The following ARHGAP20 variants were observed in gnomAD, a reference collection of about 807,000 sequenced individuals.
ARHGAP20 encodes rho GTPase-activating protein 20.
A neutral mutation model predicts 73.7 loss-of-function variants in ARHGAP20; 34 were observed. That is an observed-to-expected ratio of 0.46 (90% confidence interval 0.35 to 0.61). ARHGAP20 has a LOEUF of 0.61. Ranked by LOEUF, ARHGAP20 falls within the 20% of genes least tolerant of loss-of-function variation. The pLI is 0.00. For missense variants in ARHGAP20, 1,314 were observed against 1,420.9 expected (o/e 0.92, Z 1.21); for synonymous variants, 523 against 518.2 (o/e 1.01, Z -0.13).
chr11:110,609,119 T>TTC, intron 7 of ARHGAP20, 69 bp from the exon 8 acceptor site: 1 of 1,395,348 alleles, frequency 7.2e-7, no homozygotes, highest in Non-Finnish European at 9.8e-7. Flanking sequence ...GGACACATTT[T>TTC]TTTTTTTTGG....
chr11:110,611,275 T>G (rs778814282), intron 7 of ARHGAP20, 34 bp downstream of exon 7: 1 of 1,355,692 alleles, frequency 7.4e-7, no homozygotes, highest in South Asian at 1.4e-5. Flanking sequence ...TCAAAGTTTA[T>G]TTTTAATTAA....
intron 2 of ARHGAP20, among the ~76,000 whole-genome samples, chr11:110,636,348 A>C (rs528427656): frequency 6.6e-6 from 1 of 152,270 alleles, no homozygotes; most frequent in Admixed American, 6.6e-5. Context: ...AAATGTTTAT[A>C]AATAAAGGCT....
At chr11:110,675,779 AAC>A (rs1227790980) in intron 2 of ARHGAP20, among the ~76,000 whole-genome samples, 9 of 152,276 alleles carry the variant, frequency 5.9e-5, no homozygotes, top group Non-Finnish European at 1.3e-4. Flanking sequence ...TATCCCTCAA[AAC>A]CCAGCATAGA....
intron 9 of ARHGAP20, among the ~76,000 whole-genome samples, chr11:110,600,128 G>C (rs1391763402): frequency 6.6e-6 from 1 of 152,232 alleles, no homozygotes; most frequent in Non-Finnish European, 1.5e-5. Flanking sequence ...CACAGGATGA[G>C]AACTTCAGAT....
intron 2 of ARHGAP20, among the ~76,000 whole-genome samples, chr11:110,663,935 C>T (rs1591154606): frequency 6.6e-6 from 1 of 152,098 alleles, no homozygotes. Context: ...AGAATGCAGT[C>T]ATTTTAACAT....
intron 11 of ARHGAP20, 105 bp downstream of exon 11, chr11:110,590,543 A>G: frequency 1.6e-6 from 2 of 1,215,826 alleles, no homozygotes; most frequent in Non-Finnish European, 2.2e-6. Context: ...TAATAAATCT[A>G]TTATGGGTCT....
chr11:110,615,458 G>A (rs1328287688), intron 5 of ARHGAP20, 95 bp downstream of exon 5: 3 of 1,156,524 alleles, frequency 2.6e-6, no homozygotes, highest in Non-Finnish European at 3.7e-6. Flanking sequence ...TTCTACTAAG[G>A]AGAAGGGGAA....
chr11:110,624,100 C>A, intron 4 of ARHGAP20, 62 bp downstream of exon 4: 1 of 1,545,312 alleles, frequency 6.5e-7, no homozygotes, highest in Non-Finnish European at 8.7e-7. Flanking sequence ...TTTAAAATTT[C>A]AATCCTAGAA....
At chr11:110,664,727 C>CAAAAAAAAAAA (rs34643863) in intron 2 of ARHGAP20, among the ~76,000 whole-genome samples, 1 of 88,252 alleles carries the variant, frequency 1.1e-5, no homozygotes, top group Non-Finnish European at 2.5e-5. Flanking sequence ...GACTCCGTCT[C>CAAAAAAAAAAA]AAAAAAAAAA....
rs1947761471 is a variant in ARHGAP20 at position 110,589,341 on chromosome 11, AG to A, written c.1305+1306del. 8 of 954,284 alleles carry A rather than the reference AG, an allele frequency of 8.4e-6. 1 individual carries two copies. The highest frequency in any genetic ancestry group is 5.4e-4 in the Middle Eastern group (1 of 1,858). The allele number at this position is 954,284 out of a possible 1,614,324, so 59.1% of individuals were successfully genotyped here. A position where few individuals can be genotyped will look rare whatever the true frequency, so the allele number is the denominator to read the frequency against. ...ATATCTAATTGCAAAAATTTATAGC[AG>A]GGTTTAAGAGCAGATATGGCTTATT... On this transcript the variant is annotated intron_variant, in intron 11 of 14. Coordinates refer to ENST00000683387, the MANE Select transcript of ARHGAP20 (RefSeq NM_001384657.1).
chr11:110,672,590 A>G (rs1180714236), intron 2 of ARHGAP20, among the ~76,000 whole-genome samples: 2 of 152,014 alleles, frequency 1.3e-5, no homozygotes, highest in Admixed American at 6.6e-5. Flanking sequence ...GACTACAAGC[A>G]TGCACCACCA....
intron 2 of ARHGAP20, among the ~76,000 whole-genome samples, chr11:110,672,149 T>C (rs920542093): frequency 9.9e-5 from 15 of 152,172 alleles, no homozygotes; most frequent in African/African-American, 3.4e-4. Context: ...TACAGCTTTA[T>C]AGAAAAAAAT....
chr11:110,631,868 C>T (rs1948866633), intron 2 of ARHGAP20, among the ~76,000 whole-genome samples: 1 of 152,168 alleles, frequency 6.6e-6, no homozygotes, highest in African/African-American at 2.4e-5. Context: ...CTTGATCACC[C>T]CAGAGGTAAC....
intron 12 of ARHGAP20, among the ~76,000 whole-genome samples, chr11:110,585,093 GAATATATGAA>G (rs1467943329): frequency 1.3e-5 from 2 of 150,038 alleles, no homozygotes; most frequent in Non-Finnish European, 3.0e-5. Flanking sequence ...GAATATATGT[GAATATATGAA>G]TATATGTGAA....
At chr11:110,597,040 G>C (rs1001494477) in intron 9 of ARHGAP20, among the ~76,000 whole-genome samples, 1 of 149,866 alleles carries the variant, frequency 6.7e-6, no homozygotes, top group Admixed American at 6.8e-5. Context: ...CTATCGCCAG[G>C]ACAAAAATCA....
chr11:110,613,937 C>T (rs1948427099), intron 6 of ARHGAP20, among the ~76,000 whole-genome samples: 1 of 152,040 alleles, frequency 6.6e-6, no homozygotes, highest in Non-Finnish European at 1.5e-5. Flanking sequence ...ACATTTATCT[C>T]TTGTACTATG....
intron 1 of ARHGAP20, chr11:110,711,649 GCTGC>G: frequency 6.8e-7 from 1 of 1,474,648 alleles, no homozygotes; most frequent in Non-Finnish European, 8.9e-7. Context: ...CCGCAGCCCC[GCTGC>G]CTACCTTCTT....
intron 2 of ARHGAP20, among the ~76,000 whole-genome samples, chr11:110,656,151 TG>T (rs1203001192): frequency 6.6e-6 from 1 of 152,092 alleles, no homozygotes; most frequent in African/African-American, 2.4e-5. Context: ...ACTAGGACTA[TG>T]TGGAGGGGGT....
At chr11:110,665,274 C>T (rs997019462) in intron 2 of ARHGAP20, among the ~76,000 whole-genome samples, 3 of 152,044 alleles carry the variant, frequency 2.0e-5, no homozygotes, top group Non-Finnish European at 2.9e-5. Context: ...AATCAATAAT[C>T]TGAGTTTTCA....
Sources: gnomAD v4.1 joint callset for allele counts (sites outside exome capture counted in the v4.1 genomes callset) on GRCh38, gnomAD v4.1.1 for gene constraint, MANE v1.5 for transcripts, NCBI Gene and HGNC (gene_info 2026-07-23, HGNC 2026-07-21) for gene names.